GPR161: variants seen among roughly 807,000 people sequenced by gnomAD.
The protein encoded by GPR161 is G protein-coupled receptor 161.
Under a neutral mutation model 39.2 loss-of-function variants are expected in GPR161, and 25 were observed. That is an observed-to-expected ratio of 0.64 (90% CI 0.47 to 0.89). GPR161 has a LOEUF of 0.89. GPR161 is among the 40% of genes least tolerant of loss of function. GPR161 has a pLI of 0.00. For synonymous variants in GPR161, 286 were observed against 276.6 expected (o/e 1.03, Z -0.34); for missense variants, 547 against 677.8 (o/e 0.81, Z 2.14).
At position 168,097,237 on chromosome 1, in the gene GPR161, A is replaced by C. The variant is rs1695646683; in HGVS notation, c.375-5T>G. 6.2e-7 allele frequency: 1 copy of C among 1,601,658 alleles called. No homozygotes were observed. Among genetic ancestry groups the C allele is most frequent in the African/African-American group, 1.3e-5 (1 of 74,668 alleles). On this transcript the variant is annotated splice_polypyrimidine_tract_variant and splice_region_variant and intron_variant, in intron 2 of 5. Transcript: ENST00000682931. Reference sequence around the variant, plus strand: ...GGGTACAGGACAGCATAGTAGCTAGAAAAGGGATGGAGGGAGGCAAGAGAG... The same window carrying C: ...GGGTACAGGACAGCATAGTAGCTAGCAAAGGGATGGAGGGAGGCAAGAGAG...
rs369667418 is a variant in GPR161 at position 168,104,578 on chromosome 1, C to G, written c.273G>C (p.Arg91Ser). The change falls in exon 2 of 6, where the codon AGG (arginine) becomes AGC (serine). Residue 91 changes from arginine (R) to serine (S), a missense_variant. Physicochemically the swap from Arg to Ser is moderately radical, Grantham distance 110 (BLOSUM62 -1). Coordinates refer to ENST00000682931, the MANE Select transcript of GPR161 (RefSeq NM_001375883.1). The part of the protein sequence containing the change: ...LPFVVTSSIR[R>S]EWIFGVVWCN... ...ACCACACTACACCAAAGATCCATTCCCTGCGGATGGAGCTCGTCACCACAA... is the reference window on the plus strand; with the variant it reads ...ACCACACTACACCAAAGATCCATTCGCTGCGGATGGAGCTCGTCACCACAA... 1 of 1,613,360 alleles carries G rather than the reference C, an allele frequency of 6.2e-7. No individual in the cohort carries two copies. Among genetic ancestry groups the G allele is most frequent in the Non-Finnish European group, 8.5e-7 (1 of 1,179,300 alleles).
In GPR161 at chr1:168,083,091, G is replaced by C. The variant is rs748202066; in HGVS notation, c.*2440C>G. 1.3e-5 allele frequency: 2 copies of C among 152,170 alleles called. No individual in the cohort carries two copies. The highest frequency in any genetic ancestry group is 2.9e-5 in the Non-Finnish European group (2 of 68,048). The allele number at this position is 152,170 out of a possible 1,614,324, so 9.4% of individuals were successfully genotyped here. ...ACACTTCTTTCTATAACCACGACTT[G>C]ACTTTGCTAGTTATTAGAATCGGTA... On this transcript the variant is annotated 3_prime_UTR_variant, in exon 6 of 6. Coordinates refer to ENST00000682931, the MANE Select transcript of GPR161 (RefSeq NM_001375883.1).
intron 5 of GPR161, among the ~76,000 whole-genome samples, chr1:168,086,102 ATGTC>A (rs2102090878): frequency 6.6e-6 from 1 of 152,364 alleles, no homozygotes; most frequent in Admixed American, 6.5e-5. Flanking sequence ...TGTTTGGCCT[ATGTC>A]TGGCCCATAG....
intron 1 of GPR161, among the ~76,000 whole-genome samples, chr1:168,132,831 G>A (rs1558144945): frequency 1.3e-5 from 2 of 152,042 alleles, no homozygotes; most frequent in East Asian, 1.9e-4. Context: ...TGCAACCTCC[G>A]CCTCCTGGGT....
At chr1:168,090,397 AG>A in intron 4 of GPR161, 166 bp downstream of exon 4, 1 of 520,140 alleles carries the variant, frequency 1.9e-6, no homozygotes, top group Non-Finnish European at 3.5e-6. Context: ...AAAGCTGAAA[AG>A]TCAAAGCCAC....
intron 2 of GPR161, among the ~76,000 whole-genome samples, chr1:168,100,324 C>T (rs377498309): frequency 6.6e-6 from 1 of 151,866 alleles, no homozygotes; most frequent in East Asian, 1.9e-4. Context: ...GCAGCAGAAG[C>T]CTCATTTAAG....
At position 168,098,215 on chromosome 1, in the gene GPR161, G is replaced by A. The variant is rs1040118506; in HGVS notation, c.375-983C>T. Among the ~76,000 whole-genome samples, 1 of 152,222 alleles carries A rather than the reference G, an allele frequency of 6.6e-6. No homozygotes were observed. The highest frequency in any genetic ancestry group is 1.5e-5 in the Non-Finnish European group (1 of 68,036). On this transcript the variant is annotated intron_variant, in intron 2 of 5. Transcript: ENST00000682931. The surrounding 1 kb of genome is among the most constrained non-coding windows in gnomAD (Gnocchi z 4.1). ...TGTGAGTGAGCACCAGCTCAGCAGGGAGGCTGCATGGAGCTCCACCTGGCA... is the reference window on the plus strand; with the variant it reads ...TGTGAGTGAGCACCAGCTCAGCAGGAAGGCTGCATGGAGCTCCACCTGGCA...
chr1:168,136,238 C>G (rs1699357137), intron 1 of GPR161: 1 of 1,315,588 alleles, frequency 7.6e-7, no homozygotes, highest in Non-Finnish European at 9.7e-7. Context: ...TGAGTCCCGG[C>G]TGGGAGAAGG....
intron 1 of GPR161, among the ~76,000 whole-genome samples, chr1:168,128,665 C>A (rs780624677): frequency 6.6e-6 from 1 of 152,164 alleles, no homozygotes; most frequent in Non-Finnish European, 1.5e-5. Flanking sequence ...ACTTCTATCA[C>A]AAGATAAAAA....
chr1:168,109,171 A>C (rs914498610), intron 1 of GPR161, among the ~76,000 whole-genome samples: 7 of 152,250 alleles, frequency 4.6e-5, no homozygotes, highest in Non-Finnish European at 1.0e-4. Context: ...TTATCCAAGC[A>C]AAGGATAGCG....
intron 1 of GPR161, chr1:168,135,049 G>C: frequency 9.3e-6 from 14 of 1,510,742 alleles, no homozygotes; most frequent in Non-Finnish European, 1.2e-5. Context: ...GCAACACAAA[G>C]AGAACGGTTC....
At position 168,083,640 on chromosome 1, in the gene GPR161, CAG is replaced by C. The variant is rs1331058049; in HGVS notation, c.*1889_*1890del. The C allele has an allele frequency of 6.6e-6, 1 of 151,548 alleles. No homozygotes were observed. The highest frequency in any genetic ancestry group is 6.6e-5 in the Admixed American group (1 of 15,164). 9.4% of individuals were successfully genotyped at this position (151,548 alleles called of 1,614,324 possible). ...TAGGAATGCCATCCAGTGATGGAAGCAGAGTGTCTGACCTGCACAGGTGAACC... is the reference window on the plus strand; with the variant it reads ...TAGGAATGCCATCCAGTGATGGAAGCAGTGTCTGACCTGCACAGGTGAACC... On this transcript the variant is annotated 3_prime_UTR_variant, in exon 6 of 6. Coordinates refer to ENST00000682931, the MANE Select transcript of GPR161 (RefSeq NM_001375883.1).
rs996620469 is a variant in GPR161 at position 168,136,914 on chromosome 1, G to A, written c.-220C>T. On this transcript the variant is annotated 5_prime_UTR_variant, in exon 1 of 6. Coordinates refer to ENST00000682931, the MANE Select transcript of GPR161 (RefSeq NM_001375883.1). ...GCCAGCCACCAGCACGCGGACCCGG[G>A]CGGGCGCAGGCCAAGTAACTTTGCG... 6 of 979,472 alleles carry A rather than the reference G, an allele frequency of 6.1e-6. No individual in the cohort carries two copies. Among genetic ancestry groups the A allele is most frequent in the Non-Finnish European group, 7.2e-6 (6 of 827,694 alleles). 60.7% of individuals were successfully genotyped at this position (979,472 alleles called of 1,614,324 possible).
upstream of GPR161, chr1:168,137,417 A>G (rs2102283534): frequency 6.5e-7 from 1 of 1,532,450 alleles, no homozygotes; most frequent in East Asian, 2.4e-5. Flanking sequence ...GACGGGCACG[A>G]GCATCCATCT....
chr1:168,096,350 C>T lies in GPR161; in HGVS notation c.1099+158G>A, dbSNP rs758987384. Among the ~76,000 whole-genome samples, 3 of 152,094 alleles carry T rather than the reference C, an allele frequency of 2.0e-5. No individual in the cohort carries two copies. In the East Asian group the frequency reaches 5.8e-4, roughly 29 times the overall value. On this transcript the variant is annotated intron_variant, in intron 3 of 5. Transcript: ENST00000682931. ...GTGACAGGAAGCTCCCTGGCAATCA[C>T]AGCGGAGCCTCTGGAATGTTTCTTC...
At chr1:168,115,473 T>C (rs1337290889) in intron 1 of GPR161, among the ~76,000 whole-genome samples, 1 of 152,074 alleles carries the variant, frequency 6.6e-6, no homozygotes, top group African/African-American at 2.4e-5. Context: ...CCCTAGGAAG[T>C]AGACTCTCCT....
intron 4 of GPR161, among the ~76,000 whole-genome samples, chr1:168,090,147 TAGG>T (rs1028314996): frequency 8.5e-5 from 13 of 152,260 alleles, no homozygotes; most frequent in African/African-American, 2.9e-4. Flanking sequence ...GTTGAGGGTT[TAGG>T]AGGAGATCAT....
In GPR161 at chr1:168,104,892, C is replaced by T. The variant is rs60383097; in HGVS notation, c.-42G>A. ...CGTGGGGTGGGCAGAGCATGCTGGA[C>T]GACTGGAAAGATAAGGCAGGACCAG... On this transcript the variant is annotated splice_region_variant and 5_prime_UTR_variant, in exon 2 of 6. Coordinates refer to ENST00000682931, the MANE Select transcript of GPR161 (RefSeq NM_001375883.1). 9.9e-4 allele frequency: 1,592 copies of T among 1,602,092 alleles called. 18 individuals are homozygous for T. The African/African-American group carries it at 0.018, about 19-fold the overall frequency.
chr1:168,087,486 A>G (rs275143), intron 5 of GPR161, 99 bp downstream of exon 5: 502,891 of 1,372,072 alleles, frequency 0.37, 99,215 homozygotes, highest in African/African-American at 0.7. Flanking sequence ...TGGAGCCCTG[A>G]TATATTCCGG....
Sources: gnomAD v4.1 joint callset for allele counts (sites outside exome capture counted in the v4.1 genomes callset) on GRCh38, gnomAD v4.1.1 for gene constraint, Gnocchi (gnomAD v3.1) non-coding constraint, MANE v1.5 for transcripts, NCBI Gene and HGNC (gene_info 2026-07-23, HGNC 2026-07-21) for gene names.